PITX1: variants seen among roughly 807,000 people sequenced by gnomAD.
PITX1 encodes the protein paired like homeodomain 1, also known as pituitary homeobox 1.
In PITX1, 5 loss-of-function variants were observed where a neutral mutation model predicts 24.1. The ratio of observed to expected loss-of-function variants is 0.21; its 90% CI spans 0.11 to 0.44. The LOEUF is 0.44. Ranked by LOEUF, PITX1 falls within the 20% of genes least tolerant of loss-of-function variation. The pLI is 0.99. For synonymous variants in PITX1, 213 were observed against 208.9 expected (o/e 1.02, Z -0.17); for missense variants, 401 against 455.4 (o/e 0.88, Z 1.09).
rs2149559405 is a variant in PITX1 at position 135,028,894 on chromosome 5, G to A, written c.830C>T (p.Thr277Met). 2 of 1,613,770 alleles carry A rather than the reference G, an allele frequency of 1.2e-6. No homozygotes were observed. Among genetic ancestry groups the A allele is most frequent in the East Asian group, 2.2e-5 (1 of 44,866 alleles). ...CAGGCTGGCTAGGCTCGAGTTGCAC[G>A]TGTCCCGGTAGACGCTGTAGGGCGA... ...PASPYSVYRD[T>M]CNSSLASLRL... Residue 277 changes from threonine to methionine, a missense_variant, in exon 3 of 3, where the codon ACG becomes ATG. Physicochemically the swap from Thr to Met is moderately conservative, Grantham distance 81. Transcript: ENST00000265340.
chr5:135,033,706 C>T lies in PITX1; in HGVS notation c.169+7G>A. On this transcript the variant is annotated splice_region_variant and intron_variant, in intron 1 of 2. Transcript: ENST00000265340. The surrounding 1 kb of genome is among the most constrained non-coding windows in gnomAD (Gnocchi z 5.9). Reference sequence around the variant, plus strand: ...TCTGTGCGCGCCGCGCGGGGAACGGCGCTTACCTGGCAGCTCCGTGTCAGA... The same window carrying T: ...TCTGTGCGCGCCGCGCGGGGAACGGTGCTTACCTGGCAGCTCCGTGTCAGA... 1 of 1,595,360 alleles carries T rather than the reference C, an allele frequency of 6.3e-7. No homozygotes were observed. The highest frequency in any genetic ancestry group is 8.5e-7 in the Non-Finnish European group (1 of 1,177,476).
At position 135,028,837 on chromosome 5, in the gene PITX1, C is replaced by A. The variant is rs1300941744; in HGVS notation, c.887G>T (p.Gly296Val). ...RLKSKQHSSF[G>V]YGGLQGPASG... ...GGCCGGGCCCTGCAGGCCGCCGTAG[C>A]CAAACGACGAGTGCTGTTTGGACTT... The change falls in exon 3 of 3, where the codon GGC becomes GTC. Residue 296 changes from glycine (G) to valine (V), a missense_variant. By Grantham distance (109) the Gly-to-Val change is moderately radical. This residue lies in a region of PITX1 where 217 missense variants were observed against 219.8 expected (regional missense o/e 0.99). Coordinates refer to ENST00000265340, the MANE Select transcript of PITX1 (RefSeq NM_002653.5). The A allele has an allele frequency of 6.2e-7, 1 of 1,613,312 alleles. No homozygotes were observed. Among genetic ancestry groups the A allele is most frequent in the Non-Finnish European group, 8.5e-7 (1 of 1,179,800 alleles).
chr5:135,028,860 C>T lies in PITX1; in HGVS notation c.864G>A (p.Lys288=), dbSNP rs1561470604. ...AGCCAAACGACGAGTGCTGTTTGGA[C>T]TTGAGCCGCAGGCTGGCTAGGCTCG... ...CNSSLASLRL[K]SKQHSSFGYG... The change falls in exon 3 of 3, where the codon AAG becomes AAA. Residue 288 remains lysine (K), a synonymous_variant. Coordinates refer to ENST00000265340, the MANE Select transcript of PITX1 (RefSeq NM_002653.5). The T allele has an allele frequency of 6.2e-7, 1 of 1,613,838 alleles. No individual in the cohort carries two copies. The highest frequency in any genetic ancestry group is 8.5e-7 in the Non-Finnish European group (1 of 1,179,948).
At position 135,028,805 on chromosome 5, in the gene PITX1, G is replaced by C; in HGVS notation, c.919C>G (p.Leu307Val). 6.2e-7 allele frequency: 1 copy of C among 1,609,366 alleles called. No homozygotes were observed. The highest frequency in any genetic ancestry group is 8.5e-7 in the Non-Finnish European group (1 of 1,178,644). The part of the protein sequence containing the change: ...YGGLQGPASG[L>V]NACQYNS ...CAGCTGTTGTACTGGCACGCGTTGA[G>C]GCCCGAGGCCGGGCCCTGCAGGCCG... Residue 307 changes from leucine to valine, a missense_variant, in exon 3 of 3, where the codon CTC (leucine) becomes GTC (valine). Leu to Val is a conservative substitution (Grantham distance 32). Coordinates refer to ENST00000265340, the MANE Select transcript of PITX1 (RefSeq NM_002653.5).
rs541401874 is a variant in PITX1, at chr5:135,033,067, C to A, written c.169+646G>T. The A allele has an allele frequency of 4.5e-6, 2 of 444,146 alleles. No homozygotes were observed. The highest frequency in any genetic ancestry group is 4.1e-5 in the African/African-American group (2 of 48,952). 27.5% of individuals were successfully genotyped at this position (444,146 alleles called of 1,614,324 possible). ...AGCGCGGAGGGAGACGCGCAGGAGC[C>A]GGGGCGGGGGCCAGAGCCGGGCTGC... On this transcript the variant is annotated intron_variant, in intron 1 of 2. Transcript: ENST00000265340. The surrounding 1 kb of genome is among the most constrained non-coding windows in gnomAD (Gnocchi z 5.9).
Position 135,033,098 on chromosome 5 carries a change from G to A in PITX1, c.169+615C>T, listed in dbSNP as rs990730782. The A allele has an allele frequency of 1.5e-5, 6 of 399,874 alleles. No homozygotes were observed. Among genetic ancestry groups the A allele is most frequent in the Non-Finnish European group, 2.5e-5 (5 of 201,166 alleles). The allele number at this position is 399,874 out of a possible 1,614,324, so 24.8% of individuals were successfully genotyped here. ...GGGGGCCAGAGCCGGGCTGCTCCGGGCTTCGGCCGCGCACGTGGGCCGGAT... is the reference window on the plus strand; with the variant it reads ...GGGGGCCAGAGCCGGGCTGCTCCGGACTTCGGCCGCGCACGTGGGCCGGAT... On this transcript the variant is annotated intron_variant, in intron 1 of 2. Coordinates refer to ENST00000265340, the MANE Select transcript of PITX1 (RefSeq NM_002653.5). This position sits in a 1 kb window ranked among gnomAD's most constrained non-coding sequence, Gnocchi z 5.9.
chr5:135,031,477 G>A lies in PITX1; in HGVS notation c.201C>T (p.Pro67=), dbSNP rs1752447538. 1 of 1,613,048 alleles carries A rather than the reference G, an allele frequency of 6.2e-7. No individual in the cohort carries two copies. Among genetic ancestry groups the A allele is most frequent in the Non-Finnish European group, 8.5e-7 (1 of 1,179,836 alleles). The change falls in exon 2 of 3, where the codon CCC becomes CCT. Residue 67 remains proline (P), a synonymous_variant. Transcript: ENST00000265340. The stretch of plus-strand genomic sequence containing the variant: ...CCGTGCCTCCCGCACCACTGTCCTC[G>A]GGCCCCTTGGGTTCCCCGCCGCGCT... ...EKERGGEPKG[P]EDSGAGGTGC...
chr5:135,032,033 C>T (rs1266723647), intron 1 of PITX1: 3 of 155,512 alleles, frequency 1.9e-5, no homozygotes, highest in African/African-American at 4.8e-5. Context: ...TAGAAAACCC[C>T]ACCAACTGCA....
Position 135,033,894 on chromosome 5 carries a change from C to T in PITX1, c.-13G>A, listed in dbSNP as rs773429300. The T allele has an allele frequency of 8.8e-6, 12 of 1,369,008 alleles. No homozygotes were observed. In the East Asian group the frequency reaches 3.4e-4, roughly 39 times the overall value. The allele number at this position is 1,369,008 out of a possible 1,614,324, so 84.8% of individuals were successfully genotyped here. On this transcript the variant is annotated 5_prime_UTR_variant, in exon 1 of 3. Coordinates refer to ENST00000265340, the MANE Select transcript of PITX1 (RefSeq NM_002653.5). The surrounding 1 kb of genome is among the most constrained non-coding windows in gnomAD (Gnocchi z 5.9). The stretch of plus-strand genomic sequence containing the variant: ...TGAAGGCGTCCATGGAGGTGGGGAC[C>T]GCGGCGGGCGCTCCAGGGGCCGGGG...
At chr5:135,032,028 A>G (rs2149561300) in intron 1 of PITX1, 1 of 155,732 alleles carries the variant, frequency 6.4e-6, no homozygotes, top group Admixed American at 6.3e-5. Context: ...AAGCCTAGAA[A>G]ACCCCACCAA....
chr5:135,034,491 C>T (rs111225899), upstream of PITX1: 30,208 of 152,200 alleles, frequency 0.2, 4,575 homozygotes, highest in African/African-American at 0.42. Context: ...CCTCCTTCCC[C>T]GGTGACACAC....
rs1752438998 is a variant in PITX1 at position 135,031,148 on chromosome 5, G to A, written c.402+128C>T. The A allele has an allele frequency of 4.1e-6, 3 of 738,266 alleles. No homozygotes were observed. In the Admixed American group the frequency reaches 6.2e-5, roughly 15 times the overall value. The allele number at this position is 738,266 out of a possible 1,614,324, so 45.7% of individuals were successfully genotyped here. ...GCCTAAGGTGGGGATCTCCGGTGGA[G>A]GGAGGGAGCAGGTCTGAATGGTGGG... On this transcript the variant is annotated intron_variant, in intron 2 of 2. Transcript: ENST00000265340.
chr5:135,029,413 G>T lies in PITX1; in HGVS notation c.403-92C>A. On this transcript the variant is annotated intron_variant, in intron 2 of 2. Coordinates refer to ENST00000265340, the MANE Select transcript of PITX1 (RefSeq NM_002653.5). ...ACCGCCTGGAGCCTTCCGTCGGCCC[G>T]CTGCCCTCCGAACGTCGTTTCTCTC... 8 of 1,030,216 alleles carry T rather than the reference G, an allele frequency of 7.8e-6. No homozygotes were observed. The South Asian group carries it at 7.9e-5, about 10-fold the overall frequency. 63.8% of individuals were successfully genotyped at this position (1,030,216 alleles called of 1,614,324 possible). A position where few individuals can be genotyped will look rare whatever the true frequency, so the allele number is the denominator to read the frequency against.
In PITX1 at chr5:135,028,879, A is replaced by G; in HGVS notation, c.845T>C (p.Leu282Pro). Residue 282 changes from leucine to proline, a missense_variant, in exon 3 of 3, where the codon CTA becomes CCA. Leu to Pro is a moderately conservative substitution (Grantham distance 98). This residue lies in a region of PITX1 where 217 missense variants were observed against 219.8 expected (regional missense o/e 0.99). Transcript: ENST00000265340. ...SVYRDTCNSS[L>P]ASLRLKSKQH... Reference sequence around the variant, plus strand: ...TTTGGACTTGAGCCGCAGGCTGGCTAGGCTCGAGTTGCACGTGTCCCGGTA... The same window carrying G: ...TTTGGACTTGAGCCGCAGGCTGGCTGGGCTCGAGTTGCACGTGTCCCGGTA... The G allele has an allele frequency of 6.2e-7, 1 of 1,613,666 alleles. No individual in the cohort carries two copies. Among genetic ancestry groups the G allele is most frequent in the Non-Finnish European group, 8.5e-7 (1 of 1,179,912 alleles).
rs1303886235 is a variant in PITX1, at chr5:135,028,846, G to T, written c.878C>A (p.Ser293Ter). ...CTGCAGGCCGCCGTAGCCAAACGAC[G>T]AGTGCTGTTTGGACTTGAGCCGCAG... ...ASLRLKSKQHSSFGYGGLQGP... is the reference protein window; with the variant it reads ...ASLRLKSKQH The change falls in exon 3 of 3, where the codon TCG becomes TAG. Residue 293 changes from serine (S) to a stop codon, truncating the protein, a stop_gained. Coordinates refer to ENST00000265340, the MANE Select transcript of PITX1 (RefSeq NM_002653.5). LOFTEE classifies it high-confidence loss of function. 1.2e-6 allele frequency: 2 copies of T among 1,613,642 alleles called. No homozygotes were observed.
chr5:135,033,990 A>T lies in PITX1; in HGVS notation c.-109T>A, dbSNP rs1483235184. On this transcript the variant is annotated 5_prime_UTR_variant, in exon 1 of 3. Transcript: ENST00000265340. This position sits in a 1 kb window ranked among gnomAD's most constrained non-coding sequence, Gnocchi z 5.9. ...CGCAGCGCCTAAGCGGCTGCCCTCCAGGGCTGCCGGCGCCTGCAGCGACGC... is the reference window on the plus strand; with the variant it reads ...CGCAGCGCCTAAGCGGCTGCCCTCCTGGGCTGCCGGCGCCTGCAGCGACGC... 7.7e-5 allele frequency: 51 copies of T among 660,216 alleles called. No homozygotes were observed. Among genetic ancestry groups the T allele is most frequent in the Non-Finnish European group, 9.4e-5 (45 of 481,244 alleles). 40.9% of individuals were successfully genotyped at this position (660,216 alleles called of 1,614,324 possible).
rs1752502110 is a variant in PITX1, at chr5:135,033,533, G to A, written c.169+180C>T. 1 of 651,348 alleles carries A rather than the reference G, an allele frequency of 1.5e-6. No homozygotes were observed. 40.3% of individuals were successfully genotyped at this position (651,348 alleles called of 1,614,324 possible). ...GTGGGGACCGCGTGGAAGTGCCTTC[G>A]CGTGTGCGTAAGTTTCCGCGTTCAC... On this transcript the variant is annotated intron_variant, in intron 1 of 2. Transcript: ENST00000265340. This position sits in a 1 kb window ranked among gnomAD's most constrained non-coding sequence, Gnocchi z 5.9.
intron 1 of PITX1, chr5:135,031,715 G>C (rs1282661476): frequency 5.0e-6 from 3 of 598,314 alleles, no homozygotes; most frequent in Non-Finnish European, 8.9e-6. Flanking sequence ...GCGGAGAAGA[G>C]CCCAAGAATC....
intron 1 of PITX1, among the ~76,000 whole-genome samples, chr5:135,032,455 C>T (rs1246180987): frequency 1.3e-5 from 2 of 152,184 alleles, no homozygotes; most frequent in Non-Finnish European, 2.9e-5. Context: ...CAGAGAAACA[C>T]ATTATAGTTA....
Sources: gnomAD v4.1 joint callset for allele counts (sites outside exome capture counted in the v4.1 genomes callset) on GRCh38, gnomAD v4.1.1 for gene constraint, gnomAD v4.1.1 regional missense constraint, Gnocchi (gnomAD v3.1) non-coding constraint, MANE v1.5 for transcripts, NCBI Gene and HGNC (gene_info 2026-07-23, HGNC 2026-07-21) for gene names.